SUGCT: variants seen among roughly 807,000 people sequenced by gnomAD.
SUGCT encodes succinyl-CoA:glutarate CoA-transferase.
In SUGCT, 41 loss-of-function variants were observed where a neutral mutation model predicts 55.0. That is an observed-to-expected ratio of 0.74 (90% CI 0.58 to 0.97). The LOEUF is 0.97. Among genes scored for constraint, SUGCT ranks in the 50% least tolerant of loss-of-function variants. The probability of loss-of-function intolerance (pLI) is 0.00; values close to 1 mark genes in which losing one functional copy is unlikely to be tolerated. For missense variants in SUGCT, 568 were observed against 547.8 expected (o/e 1.04, Z -0.37); for synonymous variants, 187 against 200.4 (o/e 0.93, Z 0.56).
At chr7:40,205,835 A>G (rs936916224) in intron 6 of SUGCT, among the ~76,000 whole-genome samples, 2 of 152,130 alleles carry the variant, frequency 1.3e-5, no homozygotes, top group African/African-American at 4.8e-5. Context: ...CCAAAACTTT[A>G]ACAGGAGATT....
the SUGCT span, among the ~76,000 whole-genome samples, chr7:40,904,405 G>T: frequency 3.9e-4 from 59 of 152,254 alleles, 1 homozygote; most frequent in East Asian, 7.2e-3. Flanking sequence ...TAGTTTAAGG[G>T]ACGTAATTTG....
At chr7:40,366,272 A>T (rs1783955334) in intron 9 of SUGCT, among the ~76,000 whole-genome samples, 1 of 152,200 alleles carries the variant, frequency 6.6e-6, no homozygotes, top group African/African-American at 2.4e-5. Context: ...TTCAAGATGG[A>T]TTAAAGACTT....
intron 12 of SUGCT, among the ~76,000 whole-genome samples, chr7:40,730,547 G>A (rs1318641222): frequency 1.3e-5 from 2 of 151,788 alleles, no homozygotes; most frequent in Non-Finnish European, 2.9e-5. Context: ...TTTTTTTGTG[G>A]GTGAGAACAC....
chr7:40,587,016 G>T (rs950004782), intron 12 of SUGCT, among the ~76,000 whole-genome samples: 4 of 152,214 alleles, frequency 2.6e-5, no homozygotes, highest in Admixed American at 2.6e-4. Flanking sequence ...AATGTATTAT[G>T]CTAAGTGAAA....
At position 40,392,776 on chromosome 7, in the gene SUGCT, C is replaced by G. The variant is rs142419529; in HGVS notation, c.817-56511C>G. On this transcript the variant is annotated intron_variant, in intron 9 of 13. Transcript: ENST00000335693. ...TCTTCCATGTGAAAGATGAGCAAGA[C>G]TTTGGATTAAGTCAGTGGTAGCAAG... Among the ~76,000 whole-genome samples the G allele has an allele frequency of 1.3e-3, 203 of 152,196 alleles. No individual in the cohort carries two copies. The Middle Eastern group carries it at 0.017, about 13-fold the overall frequency.
At chr7:40,524,720 T>C (rs887890842) in intron 12 of SUGCT, among the ~76,000 whole-genome samples, 7 of 152,220 alleles carry the variant, frequency 4.6e-5, no homozygotes, top group African/African-American at 1.7e-4. Flanking sequence ...ATTTGTAGGA[T>C]ATTGTCACAT....
intron 9 of SUGCT, among the ~76,000 whole-genome samples, chr7:40,343,064 G>T (rs1797135672): frequency 6.6e-6 from 1 of 152,104 alleles, no homozygotes; most frequent in African/African-American, 2.4e-5. Flanking sequence ...GACTGTTGGT[G>T]AACTTTGCAT....
chr7:40,508,406 A>G (rs1792730490), intron 12 of SUGCT, among the ~76,000 whole-genome samples: 1 of 152,194 alleles, frequency 6.6e-6, no homozygotes, highest in Admixed American at 6.5e-5. Context: ...AGCACAGGCT[A>G]TGAGAAGTGA....
At chr7:40,519,975 C>A (rs1311540326) in intron 12 of SUGCT, among the ~76,000 whole-genome samples, 3 of 151,958 alleles carry the variant, frequency 2.0e-5, no homozygotes, top group Admixed American at 2.0e-4. Flanking sequence ...TTACCAATAG[C>A]AAGTGGTTCT....
At chr7:40,561,286 T>A (rs1235267414) in intron 12 of SUGCT, among the ~76,000 whole-genome samples, 1 of 152,216 alleles carries the variant, frequency 6.6e-6, no homozygotes, top group Non-Finnish European at 1.5e-5. Context: ...TTGGATTTCT[T>A]CCTTCTCTAA....
chr7:40,172,624 G>T (rs892995948), intron 1 of SUGCT, among the ~76,000 whole-genome samples: 2 of 152,172 alleles, frequency 1.3e-5, no homozygotes, highest in African/African-American at 4.8e-5. Flanking sequence ...AGAAGGAGAT[G>T]TAGGGGCGCA....
the SUGCT span, among the ~76,000 whole-genome samples, chr7:40,867,389 C>T: frequency 1.5e-3 from 234 of 151,650 alleles, no homozygotes; most frequent in African/African-American, 5.3e-3. Context: ...GAGAGCATCT[C>T]TTATAAGCTT....
chr7:40,580,288 A>C (rs189440869), intron 12 of SUGCT, among the ~76,000 whole-genome samples: 1 of 152,332 alleles, frequency 6.6e-6, no homozygotes, highest in East Asian at 1.9e-4. Context: ...CAATTAGTCT[A>C]TCTCTTTCAT....
At chr7:40,351,677 C>CT (rs1797640086) in intron 9 of SUGCT, among the ~76,000 whole-genome samples, 1 of 152,148 alleles carries the variant, frequency 6.6e-6, no homozygotes, top group African/African-American at 2.4e-5. Flanking sequence ...AAGCACTCTT[C>CT]AATGACTAGC....
intron 9 of SUGCT, among the ~76,000 whole-genome samples, chr7:40,403,054 C>T (rs1404761017): frequency 1.3e-5 from 2 of 152,186 alleles, no homozygotes; most frequent in African/African-American, 4.8e-5. Context: ...TTACTTACTT[C>T]GTTTTAAACT....
chr7:40,738,219 AG>A (rs1468632339), intron 12 of SUGCT, among the ~76,000 whole-genome samples: 13 of 146,634 alleles, frequency 8.9e-5, no homozygotes, highest in Non-Finnish European at 1.8e-4. Context: ...AAAAAAAAAA[AG>A]ATTATCCTTT....
intron 12 of SUGCT, among the ~76,000 whole-genome samples, chr7:40,655,800 T>C (rs1354943788): frequency 6.6e-6 from 1 of 152,076 alleles, no homozygotes; most frequent in East Asian, 1.9e-4. Context: ...ACAATAAACT[T>C]TTTTTTGGCC....
chr7:40,138,622 A>G (rs1197897126), intron 1 of SUGCT, among the ~76,000 whole-genome samples: 5 of 151,172 alleles, frequency 3.3e-5, no homozygotes, highest in Non-Finnish European at 7.4e-5. Flanking sequence ...AACAGTGTAT[A>G]AGAAGAGTTC....
chr7:40,565,992 C>CAT (rs1491317958), intron 12 of SUGCT, among the ~76,000 whole-genome samples: 15 of 86,680 alleles, frequency 1.7e-4, no homozygotes, highest in African/African-American at 8.3e-4. Context: ...CACACACACA[C>CAT]GCACACACAC....
Sources: allele counts gnomAD v4.1 joint callset (sites outside exome capture counted in the v4.1 genomes callset), GRCh38; gene constraint gnomAD v4.1.1; transcripts MANE v1.5; gene names NCBI Gene and HGNC (gene_info 2026-07-23, HGNC 2026-07-21).